The following MTIF2 variants were observed in gnomAD, a reference collection of about 807,000 sequenced individuals.
The protein encoded by MTIF2 is translation initiation factor IF-2, mitochondrial.
In MTIF2, 71 loss-of-function variants were observed where a neutral mutation model predicts 83.5. The ratio of observed to expected loss-of-function variants is 0.85; its 90% confidence interval spans 0.70 to 1.04. The LOEUF (loss-of-function observed/expected upper bound fraction) is 1.04, where lower values mean the gene tolerates loss of function less well. Among genes scored for constraint, MTIF2 ranks in the 50% least tolerant of loss-of-function variants. The pLI, the probability that MTIF2 is intolerant of heterozygous loss-of-function variation, is 0.00. For missense variants in MTIF2, 957 were observed against 846.5 expected (o/e 1.13, Z -1.62); for synonymous variants, 319 against 287.1 (o/e 1.11, Z -1.12).
Position 55,263,926 on chromosome 2 carries a change from A to T in MTIF2, c.-7-61T>A. On this transcript the variant is annotated intron_variant, in intron 3 of 15. Coordinates refer to ENST00000263629, the MANE Select transcript of MTIF2 (RefSeq NM_002453.3). Reference sequence around the variant, plus strand: ...AATCAAGTTAGCAAATATTAATTGGATATTTACTATATGCATAGCACTGGA... The same window carrying T: ...AATCAAGTTAGCAAATATTAATTGGTTATTTACTATATGCATAGCACTGGA... 4 of 1,227,858 alleles carry T rather than the reference A, an allele frequency of 3.3e-6. No individual in the cohort carries two copies. The South Asian group carries it at 5.1e-5, about 16-fold the overall frequency. The allele number at this position is 1,227,858 out of a possible 1,614,324, so 76.1% of individuals were successfully genotyped here.
At chr2:55,267,338 T>C (rs766819624) in intron 3 of MTIF2, among the ~76,000 whole-genome samples, 26 of 151,940 alleles carry the variant, frequency 1.7e-4, no homozygotes, top group South Asian at 4.1e-4. Context: ...TTTGTATTTT[T>C]AGTAGAGACG....
At chr2:55,238,454 G>A (rs13012567) in intron 14 of MTIF2, among the ~76,000 whole-genome samples, 8,207 of 146,296 alleles carry the variant, frequency 0.056, 259 homozygotes, top group African/African-American at 0.071. Flanking sequence ...GCAATGGCGC[G>A]ATCTTGGCTC....
At chr2:55,261,435 G>A (rs1016444020) in intron 5 of MTIF2, among the ~76,000 whole-genome samples, 8 of 150,622 alleles carry the variant, frequency 5.3e-5, no homozygotes, top group Non-Finnish European at 1.0e-4. Flanking sequence ...GTGAAACCCC[G>A]TCTCTACTAA....
At chr2:55,253,245 A>T (rs1677241234) in intron 7 of MTIF2, among the ~76,000 whole-genome samples, 1 of 152,244 alleles carries the variant, frequency 6.6e-6, no homozygotes, top group Admixed American at 6.5e-5. Context: ...GAAACATGCT[A>T]GGTGCTCGTA....
intron 9 of MTIF2, 128 bp downstream of exon 9, chr2:55,249,267 G>A: frequency 1.7e-6 from 2 of 1,192,756 alleles, no homozygotes; most frequent in Non-Finnish European, 2.3e-6. Context: ...TCTTTGCCTG[G>A]CACCAAGAAA....
chr2:55,267,250 G>A (rs1678504748), intron 3 of MTIF2, among the ~76,000 whole-genome samples: 1 of 152,078 alleles, frequency 6.6e-6, no homozygotes, highest in Non-Finnish European at 1.5e-5. Context: ...TCCACCTGCT[G>A]GGTTCAGGGG....
intron 5 of MTIF2, among the ~76,000 whole-genome samples, chr2:55,256,419 A>G (rs1223727172): frequency 6.6e-6 from 1 of 151,848 alleles, no homozygotes; most frequent in Non-Finnish European, 1.5e-5. Flanking sequence ...ATTTTAAAAA[A>G]ATTTTTGGCC....
chr2:55,239,835 C>T (rs1216042176), intron 14 of MTIF2, among the ~76,000 whole-genome samples, 176 bp downstream of exon 14: 1 of 152,180 alleles, frequency 6.6e-6, no homozygotes, highest in Non-Finnish European at 1.5e-5. Context: ...CAATGTGTTA[C>T]ACAGGGCAGG....
intron 12 of MTIF2, 54 bp downstream of exon 12, chr2:55,243,361 TA>T: frequency 6.8e-7 from 1 of 1,472,882 alleles, no homozygotes; most frequent in Non-Finnish European, 9.2e-7. Flanking sequence ...ACTATGAGAA[TA>T]AAAAAACATA....
At chr2:55,263,994 G>A in intron 3 of MTIF2, 129 bp from the exon 4 acceptor site, 1 of 684,354 alleles carries the variant, frequency 1.5e-6, no homozygotes, top group South Asian at 1.9e-5. Context: ...GTAAAACTGG[G>A]TTCCTGCCCT....
At chr2:55,258,869 A>T (rs944636723) in intron 5 of MTIF2, among the ~76,000 whole-genome samples, 2 of 151,782 alleles carry the variant, frequency 1.3e-5, no homozygotes, top group South Asian at 4.2e-4. Flanking sequence ...AATCCCAGCT[A>T]TTCAGGAGGC....
intron 9 of MTIF2, among the ~76,000 whole-genome samples, chr2:55,247,219 T>C (rs553380640): frequency 6.6e-6 from 1 of 152,294 alleles, no homozygotes; most frequent in South Asian, 2.1e-4. Flanking sequence ...TTTCCACTCC[T>C]CTTATCAGCT....
At chr2:55,248,132 G>C (rs1676836991) in intron 9 of MTIF2, among the ~76,000 whole-genome samples, 1 of 152,100 alleles carries the variant, frequency 6.6e-6, no homozygotes, top group African/African-American at 2.4e-5. Context: ...CAATGGATCT[G>C]ACCACCTCGG....
intron 5 of MTIF2, among the ~76,000 whole-genome samples, chr2:55,258,802 C>T (rs993026327): frequency 2.8e-5 from 4 of 143,008 alleles, no homozygotes; most frequent in African/African-American, 1.0e-4. Flanking sequence ...ACAGAGCAAG[C>T]CTCTGTCTCA....
chr2:55,246,482 G>T, intron 9 of MTIF2, 21 bp from the exon 10 acceptor site: 1 of 1,603,630 alleles, frequency 6.2e-7, no homozygotes, highest in Non-Finnish European at 8.5e-7. Flanking sequence ...AACAAACGTT[G>T]TTAATACACA....
chr2:55,246,251 ATG>A (rs1404910612), intron 10 of MTIF2, 84 bp downstream of exon 10: 6 of 90,478 alleles, frequency 6.6e-5, no homozygotes, highest in East Asian at 1.6e-4. Flanking sequence ...TAACAATAAC[ATG>A]TAACAAAAAT....
intron 5 of MTIF2, among the ~76,000 whole-genome samples, chr2:55,255,259 T>C (rs1050619901): frequency 3.3e-5 from 5 of 151,136 alleles, no homozygotes; most frequent in Admixed American, 6.6e-5. Context: ...AATTAGCAAA[T>C]ATTGAACCAC....
In MTIF2 at chr2:55,249,353, C is replaced by A. The variant is rs1676925243; in HGVS notation, c.981+42G>T. 5 of 1,606,840 alleles carry A rather than the reference C, an allele frequency of 3.1e-6. No individual in the cohort carries two copies. The Admixed American group carries it at 5.1e-5, about 16-fold the overall frequency. ...AATATACTGTGTGCATTATGTACAGCATTCCCATCCAGGCATATTTATATG... is the reference window on the plus strand; with the variant it reads ...AATATACTGTGTGCATTATGTACAGAATTCCCATCCAGGCATATTTATATG... On this transcript the variant is annotated intron_variant, in intron 9 of 15. Transcript: ENST00000263629.
chr2:55,263,613 A>C, intron 4 of MTIF2, 27 bp downstream of exon 4: 1 of 1,521,992 alleles, frequency 6.6e-7, no homozygotes, highest in South Asian at 1.2e-5. Flanking sequence ...CCATCTCAAA[A>C]AAAAAAAAAA....
Sources: allele counts gnomAD v4.1 joint callset (sites outside exome capture counted in the v4.1 genomes callset), GRCh38; gene constraint gnomAD v4.1.1; transcripts MANE v1.5; gene names NCBI Gene and HGNC (gene_info 2026-07-23, HGNC 2026-07-21).